The following AR variants were observed in gnomAD, a reference collection of about 807,000 sequenced individuals.
AR encodes dihydrotestosterone receptor.
In AR, 8 loss-of-function variants were observed where a neutral mutation model predicts 53.9. The ratio of observed to expected loss-of-function variants is 0.15; its 90% confidence interval spans 0.09 to 0.27. The LOEUF (loss-of-function observed/expected upper bound fraction) is 0.27, where lower values mean the gene tolerates loss of function less well. AR is among the 10% of genes least tolerant of loss of function. The probability of loss-of-function intolerance (pLI) is 1.00; values close to 1 mark genes in which losing one functional copy is unlikely to be tolerated. For synonymous variants in AR, 359 were observed against 316.4 expected, an observed-to-expected ratio of 1.13 and a Z score of -1.43; for missense variants, 639 against 742.5, an observed-to-expected ratio of 0.86 and a Z score of 1.62.
chrX:67,672,599 G>A lies in AR; in HGVS notation c.1769-13411G>A, dbSNP rs776156181. 9.1e-5 allele frequency among the ~76,000 whole-genome samples: 10 copies of A among 110,050 alleles called. No homozygotes were observed. In the South Asian group the frequency reaches 1.2e-3, roughly 13 times the overall value. On this transcript the variant is annotated intron_variant, in intron 2 of 7. Coordinates refer to ENST00000374690, the MANE Select transcript of AR (RefSeq NM_000044.6). ...TTCAAACTGATGACAACACTCTATC[G>A]CATAAAAAAACATGGAAAGAGAAAA...
At chrX:67,682,699 T>C (rs764918341) in intron 2 of AR, among the ~76,000 whole-genome samples, 12 of 111,723 alleles carry the variant, frequency 1.1e-4, no homozygotes, top group Non-Finnish European at 1.9e-4. Flanking sequence ...GAATAAATAA[T>C]AGGAAAGAAA....
chrX:67,702,142 T>G (rs2076045135), intron 3 of AR, among the ~76,000 whole-genome samples: 1 of 111,712 alleles, frequency 9.0e-6, no homozygotes, highest in South Asian at 3.7e-4. Flanking sequence ...ATTTGTAAAA[T>G]AGGGATAAGA....
At chrX:67,692,506 T>C (rs973209075) in intron 3 of AR, among the ~76,000 whole-genome samples, 2 of 112,124 alleles carry the variant, frequency 1.8e-5, no homozygotes, top group African/African-American at 6.5e-5. Context: ...TTTTAAGATG[T>C]CCTGTGGTAT....
At chrX:67,609,638 G>A (rs1923786787) in intron 1 of AR, among the ~76,000 whole-genome samples, 1 of 110,422 alleles carries the variant, frequency 9.1e-6, no homozygotes, top group Admixed American at 9.7e-5. Context: ...TTTCTTGCAT[G>A]GGATTTGTAT....
intron 2 of AR, 148 bp from the exon 3 acceptor site, chrX:67,685,862 A>C (rs1482076482): frequency 1.2e-6 from 1 of 828,203 alleles, no homozygotes. Context: ...TAGGTTCTGT[A>C]TGATCAAATT....
intron 2 of AR, among the ~76,000 whole-genome samples, chrX:67,645,175 C>A (rs1007737568): frequency 1.1e-3 from 124 of 112,060 alleles, no homozygotes; most frequent in Non-Finnish European, 8.5e-4. Context: ...AACAAACAAG[C>A]AAATTCAATA....
At chrX:67,601,588 T>G (rs908022242) in intron 1 of AR, among the ~76,000 whole-genome samples, 2 of 112,124 alleles carry the variant, frequency 1.8e-5, no homozygotes, top group Non-Finnish European at 3.8e-5. Context: ...GAGCCCATAA[T>G]GTATGATAGG....
intron 2 of AR, 75 bp from the exon 3 acceptor site, chrX:67,685,935 T>C: frequency 8.4e-7 from 1 of 1,196,500 alleles, no homozygotes; most frequent in South Asian, 1.8e-5. Context: ...ATCTTTTCTG[T>C]TCTAGAAATA....
chrX:67,660,189 T>C (rs1049689677), intron 2 of AR, among the ~76,000 whole-genome samples: 20 of 112,428 alleles, frequency 1.8e-4, no homozygotes, highest in Admixed American at 1.7e-3. Context: ...TGGTAGTTTC[T>C]TTTGCTATGC....
intron 1 of AR, among the ~76,000 whole-genome samples, chrX:67,612,434 G>T (rs1030003214): frequency 8.9e-6 from 1 of 112,268 alleles, no homozygotes; most frequent in African/African-American, 3.2e-5. Context: ...TTGACCTCTA[G>T]CACCTATGCA....
intron 3 of AR, among the ~76,000 whole-genome samples, chrX:67,709,115 C>G (rs2076082184): frequency 8.9e-6 from 1 of 111,908 alleles, no homozygotes; most frequent in South Asian, 3.8e-4. Context: ...GCAGTCTGTC[C>G]GTTCTCAGAT....
chrX:67,569,900 C>G (rs1004727227), intron 1 of AR, among the ~76,000 whole-genome samples: 1 of 111,403 alleles, frequency 9.0e-6, no homozygotes, highest in African/African-American at 3.3e-5. Context: ...CTCCATGTGT[C>G]TCTGTGTGTA....
chrX:67,658,149 A>G (rs1926677567), intron 2 of AR, among the ~76,000 whole-genome samples: 1 of 112,123 alleles, frequency 8.9e-6, no homozygotes, highest in Non-Finnish European at 1.9e-5. Flanking sequence ...CAGTATGTCC[A>G]TTAGCAAGAC....
intron 1 of AR, among the ~76,000 whole-genome samples, chrX:67,547,861 T>A (rs1311909104): frequency 8.9e-6 from 1 of 112,047 alleles, no homozygotes; most frequent in Non-Finnish European, 1.9e-5. Flanking sequence ...AATTAGCATA[T>A]GAGAAAAGTG....
chrX:67,716,061 A>G (rs2076111876), intron 4 of AR, among the ~76,000 whole-genome samples: 2 of 111,945 alleles, frequency 1.8e-5, no homozygotes, highest in African/African-American at 6.5e-5. Flanking sequence ...GAGATCATTT[A>G]ATTCTCATTT....
In AR at chrX:67,545,316, T is replaced by TGCAGCAGCA. The variant is rs3032358; in HGVS notation, c.231_239dup (p.Gln78_Gln80dup). The TGCAGCAGCA allele has an allele frequency of 0.024, 23,360 of 988,999 alleles. 363 individuals carry two copies. The highest frequency in any genetic ancestry group is 0.051 in the East Asian group (1,500 of 29,129). 81.5% of individuals were successfully genotyped at this position (988,999 alleles called of 1,213,427 possible). A position where few individuals can be genotyped will look rare whatever the true frequency, so the allele number is the denominator to read the frequency against. On this transcript the variant is annotated inframe_insertion, in exon 1 of 8. Transcript: ENST00000374690. ...CCTCCCGGCGCCAGTTTGCTGCTGC[T>TGCAGCAGCA]GCAGCAGCAGCAGCAGCAGCAGCAG...
intron 5 of AR, among the ~76,000 whole-genome samples, chrX:67,718,222 G>A (rs773069965): frequency 9.0e-6 from 1 of 111,392 alleles, no homozygotes; most frequent in Non-Finnish European, 1.9e-5. Context: ...TGTCCCTGTC[G>A]ATCTCAGCTC....
At chrX:67,586,019 C>T (rs963508805) in intron 1 of AR, among the ~76,000 whole-genome samples, 4 of 111,740 alleles carry the variant, frequency 3.6e-5, no homozygotes, top group Non-Finnish European at 7.5e-5. Flanking sequence ...CTATGGCTCC[C>T]AGTGGCTTTT....
At chrX:67,670,164 T>C (rs1221243008) in intron 2 of AR, among the ~76,000 whole-genome samples, 3 of 88,614 alleles carry the variant, frequency 3.4e-5, no homozygotes, top group Non-Finnish European at 6.5e-5. Context: ...ATATATATAC[T>C]ATATATGCTT....
Sources: gnomAD v4.1 joint callset for allele counts (sites outside exome capture counted in the v4.1 genomes callset) on GRCh38, gnomAD v4.1.1 for gene constraint, MANE v1.5 for transcripts, NCBI Gene and HGNC (gene_info 2026-07-23, HGNC 2026-07-21) for gene names.